The following DLG2 variants were observed in gnomAD, a reference collection of about 807,000 sequenced individuals.
DLG2 encodes the protein disks large homolog 2.
A neutral mutation model predicts 132.5 loss-of-function variants in DLG2; 45 were observed. The observed-to-expected ratio is 0.34, with a 90% CI of 0.27 to 0.44. The LOEUF (loss-of-function observed/expected upper bound fraction) is 0.44, where lower values mean the gene tolerates loss of function less well. Among genes scored for constraint, DLG2 ranks in the 20% least tolerant of loss-of-function variants. DLG2 has a pLI of 1.00. For synonymous variants in DLG2, 424 were observed against 419.6 expected (o/e 1.01, Z -0.13); for missense variants, 1,045 against 1,196.9 (o/e 0.87, Z 1.87).
chr11:84,654,846 C>T (rs765367474), intron 6 of DLG2, among the ~76,000 whole-genome samples: 4 of 152,258 alleles, frequency 2.6e-5, no homozygotes, highest in East Asian at 1.9e-4. Context: ...GCTGGGACCC[C>T]GATGTAGCTC....
chr11:84,401,652 A>G (rs2098829776), intron 7 of DLG2, among the ~76,000 whole-genome samples: 1 of 152,192 alleles, frequency 6.6e-6, no homozygotes. Flanking sequence ...CCAGCAAAAG[A>G]GTTATTCTGG....
chr11:83,607,067 A>T lies in DLG2; in HGVS notation c.1940+26144T>A, dbSNP rs528611354. On this transcript the variant is annotated intron_variant, in intron 19 of 27. Transcript: ENST00000376104. ...GACTCTAGCGCAGCCACATGGTGGC[A>T]TAAGATTTACAGACAGGAAAAGGAA... 3.3e-5 allele frequency among the ~76,000 whole-genome samples: 5 copies of T among 152,388 alleles called. No homozygotes were observed. The East Asian group carries it at 9.6e-4, about 29-fold the overall frequency.
chr11:84,709,527 A>G (rs1236626944), intron 6 of DLG2, among the ~76,000 whole-genome samples: 2 of 152,076 alleles, frequency 1.3e-5, no homozygotes, highest in South Asian at 4.1e-4. Flanking sequence ...AGATGAAGAA[A>G]CTAGAGCTCA....
At chr11:84,956,768 A>G (rs2051739444) in intron 6 of DLG2, among the ~76,000 whole-genome samples, 2 of 152,202 alleles carry the variant, frequency 1.3e-5, no homozygotes, top group Admixed American at 1.3e-4. Flanking sequence ...TGAGGGTTAG[A>G]TAGGTTATGT....
chr11:84,572,411 T>A (rs2099487565), intron 6 of DLG2, among the ~76,000 whole-genome samples: 1 of 152,070 alleles, frequency 6.6e-6, no homozygotes, highest in Non-Finnish European at 1.5e-5. Flanking sequence ...CTCTCCTTCT[T>A]GGGACAGAGA....
chr11:85,443,851 T>C, intron 3 of DLG2, among the ~76,000 whole-genome samples: 1 of 152,224 alleles, frequency 6.6e-6, no homozygotes, highest in Admixed American at 6.5e-5. Context: ...CAAGCTGTTC[T>C]TTGGTGTGTG....
chr11:85,320,734 T>C (rs2081004819), intron 3 of DLG2, among the ~76,000 whole-genome samples: 1 of 151,800 alleles, frequency 6.6e-6, no homozygotes, highest in African/African-American at 2.4e-5. Context: ...AGGGATAAAG[T>C]ACTGTAGGAA....
intron 6 of DLG2, among the ~76,000 whole-genome samples, chr11:84,835,377 T>C (rs2079612268): frequency 6.6e-6 from 1 of 151,702 alleles, no homozygotes; most frequent in Admixed American, 6.6e-5. Flanking sequence ...GGGTAACTCA[T>C]TTAGACTCTC....
chr11:85,338,362 C>A (rs747189955), intron 3 of DLG2, among the ~76,000 whole-genome samples: 4 of 152,148 alleles, frequency 2.6e-5, no homozygotes, highest in South Asian at 2.1e-4. Flanking sequence ...ATCACTTTGT[C>A]CCCAGCTTGC....
At chr11:83,584,990 G>C (rs1321467433) in intron 19 of DLG2, among the ~76,000 whole-genome samples, 1 of 152,122 alleles carries the variant, frequency 6.6e-6, no homozygotes. Context: ...AAATAAAAAG[G>C]ACATCATGTA....
chr11:83,860,588 A>G (rs1245856169), intron 16 of DLG2, among the ~76,000 whole-genome samples: 1 of 152,236 alleles, frequency 6.6e-6, no homozygotes, highest in Non-Finnish European at 1.5e-5. Context: ...TTACAGGCTT[A>G]TAGATGGAAG....
chr11:85,368,163 C>T (rs2084696945), intron 3 of DLG2, among the ~76,000 whole-genome samples: 1 of 152,024 alleles, frequency 6.6e-6, no homozygotes, highest in South Asian at 2.1e-4. Flanking sequence ...TAATTTATTC[C>T]AAGGTTATGA....
At chr11:83,705,699 C>T (rs1049749137) in intron 18 of DLG2, among the ~76,000 whole-genome samples, 1 of 152,094 alleles carries the variant, frequency 6.6e-6, no homozygotes. Flanking sequence ...GAAACGTTTA[C>T]AGTTTCTACT....
intron 6 of DLG2, among the ~76,000 whole-genome samples, chr11:84,755,843 T>C (rs1349268152): frequency 6.6e-6 from 1 of 152,152 alleles, no homozygotes. Context: ...AAAGGTCACT[T>C]TTAGTGTGAG....
chr11:83,937,396 A>G lies in DLG2; in HGVS notation c.1341-6913T>C, dbSNP rs1397939838. 2.0e-5 allele frequency among the ~76,000 whole-genome samples: 3 copies of G among 150,982 alleles called. No individual in the cohort carries two copies. The East Asian group carries it at 5.9e-4, about 30-fold the overall frequency. On this transcript the variant is annotated intron_variant, in intron 14 of 27. Coordinates refer to ENST00000376104, the MANE Select transcript of DLG2 (RefSeq NM_001142699.3). ...GTGGCGGGTGCCTGTAGTCCCAGCT[A>G]CTCGGGGAGGCTGAGGCAGGAGAAT...
At chr11:84,729,667 C>T (rs1269850458) in intron 6 of DLG2, among the ~76,000 whole-genome samples, 1 of 151,996 alleles carries the variant, frequency 6.6e-6, no homozygotes, top group African/African-American at 2.4e-5. Context: ...ACTGCTTGGC[C>T]TTTATCTAAG....
chr11:84,747,145 A>G (rs1210971011), intron 6 of DLG2, among the ~76,000 whole-genome samples: 2 of 152,200 alleles, frequency 1.3e-5, no homozygotes, highest in African/African-American at 4.8e-5. Context: ...TTGTACAACA[A>G]GTTCTGTGAG....
At chr11:85,219,137 TG>T (rs1177580208) in intron 4 of DLG2, among the ~76,000 whole-genome samples, 1 of 152,180 alleles carries the variant, frequency 6.6e-6, no homozygotes, top group East Asian at 1.9e-4. Flanking sequence ...GCTCATTACC[TG>T]GGTGATGGAA....
intron 9 of DLG2, among the ~76,000 whole-genome samples, chr11:84,111,314 T>C (rs750741028): frequency 6.6e-6 from 1 of 152,202 alleles, no homozygotes; most frequent in Non-Finnish European, 1.5e-5. Flanking sequence ...TGCTCTCTCA[T>C]GTTTTCTCCA....
Sources: gnomAD v4.1 joint callset for allele counts (sites outside exome capture counted in the v4.1 genomes callset) on GRCh38, gnomAD v4.1.1 for gene constraint, MANE v1.5 for transcripts, NCBI Gene and HGNC (gene_info 2026-07-23, HGNC 2026-07-21) for gene names.